The following ALDH2 variants were observed in gnomAD, a reference collection of about 807,000 sequenced individuals.
The protein encoded by ALDH2 is aldehyde dehydrogenase, mitochondrial.
ALDH2 carries 44 observed loss-of-function variants against 59.6 expected under a neutral mutation model. The observed-to-expected ratio is 0.74, with a 90% confidence interval of 0.58 to 0.95. The LOEUF (loss-of-function observed/expected upper bound fraction) is 0.95. ALDH2 is among the 40% of genes least tolerant of loss of function. The probability of loss-of-function intolerance (pLI) is 0.00; values close to 1 mark genes in which losing one functional copy is unlikely to be tolerated. For missense variants in ALDH2, 570 were observed against 696.3 expected (o/e 0.82, Z 2.04); for synonymous variants, 291 against 284.0 (o/e 1.02, Z -0.25).
At position 111,778,052 on chromosome 12, in the gene ALDH2, C is replaced by T. The variant is rs528574047; in HGVS notation, c.115-3866C>T. 8.5e-5 allele frequency among the ~76,000 whole-genome samples: 13 copies of T among 152,262 alleles called. No individual in the cohort carries two copies. In the South Asian group the frequency reaches 2.5e-3, roughly 29 times the overall value. ...GATTCCTGCTAGGCCCTTACCTGAACGACTCCTTCCTGGGGCACTCTGTTT... is the reference window on the plus strand; with the variant it reads ...GATTCCTGCTAGGCCCTTACCTGAATGACTCCTTCCTGGGGCACTCTGTTT... On this transcript the variant is annotated intron_variant, in intron 1 of 12. Transcript: ENST00000261733.
chr12:111,785,441 G>C, intron 4 of ALDH2, 95 bp downstream of exon 4: 1 of 1,119,820 alleles, frequency 8.9e-7, no homozygotes, highest in Non-Finnish European at 1.3e-6. Context: ...AATTCAAAAG[G>C]GGCAGAGCGC....
Position 111,798,136 on chromosome 12 carries a change from G to T in ALDH2, c.1142G>T (p.Gly381Val). The T allele has an allele frequency of 6.2e-7, 1 of 1,613,916 alleles. No homozygotes were observed. The change falls in exon 10 of 13, where the codon GGG becomes GTG. Residue 381 changes from glycine (G) to valine (V), a missense_variant. By Grantham distance (109) the Gly-to-Val change is moderately radical. Coordinates refer to ENST00000261733, the MANE Select transcript of ALDH2 (RefSeq NM_000690.4). ...LGYINTGKQE[G>V]AKLLCGGGIA... ...TACATCAACACGGGGAAGCAAGAGG[G>T]GGCGAAGCTGCTGTGTGGTGGGGGC... is the stretch of plus-strand genomic sequence containing the variant.
chr12:111,783,336 G>A (rs759439114), intron 3 of ALDH2, 38 bp downstream of exon 3: 3 of 1,571,608 alleles, frequency 1.9e-6, no homozygotes, highest in African/African-American at 2.7e-5. Flanking sequence ...GATCCCATGT[G>A]GTGAATAGGC....
chr12:111,787,567 G>A (rs1387043618), intron 4 of ALDH2, among the ~76,000 whole-genome samples: 1 of 152,174 alleles, frequency 6.6e-6, no homozygotes, highest in Non-Finnish European at 1.5e-5. Context: ...GAGGTGGTGG[G>A]GAGGAAGCAG....
At chr12:111,809,192 G>A (rs1474437092) in intron 12 of ALDH2, among the ~76,000 whole-genome samples, 2 of 152,134 alleles carry the variant, frequency 1.3e-5, no homozygotes, top group African/African-American at 2.4e-5. Context: ...CATGGCTCAC[G>A]CCTGTAATCT....
At chr12:111,773,553 C>T (rs539648317) in intron 1 of ALDH2, among the ~76,000 whole-genome samples, 25 of 152,284 alleles carry the variant, frequency 1.6e-4, no homozygotes, top group African/African-American at 5.5e-4. Flanking sequence ...ATTGCTGTCC[C>T]GTCTTGCGGG....
chr12:111,798,385 G>A (rs558458730), intron 10 of ALDH2, 143 bp downstream of exon 10: 6 of 816,618 alleles, frequency 7.3e-6, no homozygotes, highest in Non-Finnish European at 1.1e-5. Context: ...CCCATAACAC[G>A]CTATTCATAG....
rs1490807709 is a variant in ALDH2, at chr12:111,782,749, G to A, written c.220-409G>A. Among the ~76,000 whole-genome samples, 9 of 151,960 alleles carry A rather than the reference G, an allele frequency of 5.9e-5. No individual in the cohort carries two copies. The East Asian group carries it at 1.5e-3, about 26-fold the overall frequency. On this transcript the variant is annotated intron_variant, in intron 2 of 12. Coordinates refer to ENST00000261733, the MANE Select transcript of ALDH2 (RefSeq NM_000690.4). ...AATACAGAAATTAGCCAGGTGTGGT[G>A]GCATCTCTTGAGTAATCCCAGCTAC...
At chr12:111,801,921 CT>C (rs1487229700) in intron 11 of ALDH2, among the ~76,000 whole-genome samples, 1 of 152,106 alleles carries the variant, frequency 6.6e-6, no homozygotes, top group Non-Finnish European at 1.5e-5. Context: ...TCACACAACA[CT>C]GTGAATATGC....
At chr12:111,792,349 G>T (rs747687426) in intron 8 of ALDH2, among the ~76,000 whole-genome samples, 186 bp downstream of exon 8, 18 of 152,248 alleles carry the variant, frequency 1.2e-4, no homozygotes, top group Non-Finnish European at 2.4e-4. Context: ...CCTCTCCCTG[G>T]CTGCTCTCTG....
In ALDH2 at chr12:111,783,163, T is replaced by C; in HGVS notation, c.225T>C (p.Asp75=). ...AGTTTTCCTGTGTTTTCTAGGAAGA[T>C]GTGGACAAGGCAGTGAAGGCCGCCC... ...ICQVAEGDKE[D]VDKAVKAARA... is the part of the protein sequence containing the mutation. Residue 75 remains aspartate, a synonymous_variant, in exon 3 of 13, where the codon GAT becomes GAC. Transcript: ENST00000261733. 1 of 1,608,548 alleles carries C rather than the reference T, an allele frequency of 6.2e-7. No homozygotes were observed. Among genetic ancestry groups the C allele is most frequent in the Non-Finnish European group, 8.5e-7 (1 of 1,176,170 alleles).
intron 1 of ALDH2, among the ~76,000 whole-genome samples, chr12:111,780,388 GT>G (rs1490436160): frequency 6.6e-6 from 1 of 152,132 alleles, no homozygotes; most frequent in African/African-American, 2.4e-5. Flanking sequence ...CCCTGACCCC[GT>G]TTTTTATCAC....
intron 9 of ALDH2, among the ~76,000 whole-genome samples, chr12:111,796,921 A>G (rs559289355): frequency 0.23 from 236 of 1,048 alleles, 5 homozygotes; most frequent in South Asian, 0.49. Flanking sequence ...CCCCTACCCT[A>G]TAAAGGAGTA....
intron 12 of ALDH2, among the ~76,000 whole-genome samples, chr12:111,808,699 C>T (rs563921893): frequency 7.3e-5 from 11 of 151,440 alleles, no homozygotes; most frequent in African/African-American, 1.5e-4. Flanking sequence ...AGTAAGACTC[C>T]GTCTCAAAAA....
intron 1 of ALDH2, among the ~76,000 whole-genome samples, chr12:111,777,602 C>G (rs1196904651): frequency 6.6e-6 from 1 of 152,156 alleles, no homozygotes; most frequent in African/African-American, 2.4e-5. Context: ...TGCCCGCCCC[C>G]CACGCCCGTG....
chr12:111,781,775 G>C (rs1366144449), intron 1 of ALDH2, 143 bp from the exon 2 acceptor site: 9 of 616,420 alleles, frequency 1.5e-5, no homozygotes, highest in Non-Finnish European at 1.4e-5. Context: ...TTGTCTGCAA[G>C]GCCTGTGCTT....
intron 10 of ALDH2, among the ~76,000 whole-genome samples, chr12:111,798,966 G>A (rs529298444): frequency 3.9e-4 from 59 of 151,064 alleles, no homozygotes; most frequent in African/African-American, 1.1e-3. Context: ...CCGAGATCGC[G>A]CCACTGCACT....
rs547207199 is a variant in ALDH2, at chr12:111,800,019, C to A, written c.1362C>A (p.Asp454Glu). 8 of 1,613,798 alleles carry A rather than the reference C, an allele frequency of 5.0e-6. No individual in the cohort carries two copies. In the South Asian group the frequency reaches 8.8e-5, roughly 18 times the overall value. Residue 454 changes from aspartate to glutamate, a missense_variant, in exon 11 of 13, where the codon GAC (aspartate) becomes GAA (glutamate). By Grantham distance (45) the Asp-to-Glu change is conservative. Coordinates refer to ENST00000261733, the MANE Select transcript of ALDH2 (RefSeq NM_000690.4). ...CAGCTGTCTTCACAAAGGATTTGGA[C>A]AAGGCCAATTACCTGTCCCAGGCCC... ...LAAAVFTKDL[D>E]KANYLSQALQ...
chr12:111,775,075 T>C (rs1593069917), intron 1 of ALDH2, among the ~76,000 whole-genome samples: 1 of 152,246 alleles, frequency 6.6e-6, no homozygotes, highest in Non-Finnish European at 1.5e-5. Flanking sequence ...AGGAACGCTA[T>C]GTGGCTTAAC....
Sources: allele counts gnomAD v4.1 joint callset (sites outside exome capture counted in the v4.1 genomes callset), GRCh38; gene constraint gnomAD v4.1.1; transcripts MANE v1.5; gene names NCBI Gene and HGNC (gene_info 2026-07-23, HGNC 2026-07-21).